Variants in TNK2 observed in about 807,000 individuals in gnomAD.
TNK2 encodes the protein activated CDC42 kinase 1.
TNK2 carries 83 observed loss-of-function variants against 101.8 expected under a neutral mutation model. The ratio of observed to expected loss-of-function variants is 0.82; its 90% CI spans 0.68 to 0.98. TNK2 has a LOEUF of 0.98. Among genes scored for constraint, TNK2 ranks in the 50% least tolerant of loss-of-function variants. TNK2 has a pLI of 0.00. For synonymous variants in TNK2, 804 were observed against 633.0 expected, an observed-to-expected ratio of 1.27 and a Z score of -4.06; for missense variants, 1,665 against 1,483.2, an observed-to-expected ratio of 1.12 and a Z score of -2.01.
rs902935955 is a variant in TNK2 at position 195,878,248 on chromosome 3, C to A, written c.1256+5G>T. The A allele has an allele frequency of 2.5e-6, 4 of 1,614,018 alleles. No homozygotes were observed. In the African/African-American group the frequency reaches 5.3e-5, roughly 22 times the overall value. ...CAGGGCGGGGCCCAGCCCTGCACTC[C>A]CTACCTTCCCTCGATGACGGTGATG... On this transcript the variant is annotated splice_donor_5th_base_variant and intron_variant, in intron 9 of 15. Coordinates refer to ENST00000672887, the MANE Select transcript of TNK2 (RefSeq NM_001382273.1). This position sits in a 1 kb window ranked among gnomAD's most constrained non-coding sequence, Gnocchi z 4.7.
intron 1 of TNK2, among the ~76,000 whole-genome samples, chr3:195,894,035 G>T (rs745835608): frequency 3.4e-4 from 52 of 152,174 alleles, no homozygotes; most frequent in Non-Finnish European, 6.9e-4. Flanking sequence ...TGGATGGAGT[G>T]GGGGCTGAGG....
At position 195,869,638 on chromosome 3, in the gene TNK2, C is replaced by G. The variant is rs113996846; in HGVS notation, c.1544-97G>C. ...GACGAGAGGGCAGAGTGTAGAGAGA[C>G]GAAGGGAGAGAAGTGAATGGGGGCG... On this transcript the variant is annotated intron_variant, in intron 11 of 15. Transcript: ENST00000672887. 5.8e-3 allele frequency: 5,943 copies of G among 1,029,288 alleles called. 44 individuals are homozygous for G. The highest frequency in any genetic ancestry group is 0.013 in the South Asian group (882 of 68,602). The allele number at this position is 1,029,288 out of a possible 1,614,324, so 63.8% of individuals were successfully genotyped here.
rs535315943 is a variant in TNK2 at position 195,890,588 on chromosome 3, T to A, written c.-18-1982A>T. 1.1e-4 allele frequency among the ~76,000 whole-genome samples: 16 copies of A among 151,570 alleles called. No individual in the cohort carries two copies. The South Asian group carries it at 2.7e-3, about 26-fold the overall frequency. On this transcript the variant is annotated intron_variant, in intron 1 of 15. Transcript: ENST00000672887. Reference sequence around the variant, plus strand: ...GCCTCAGCCTCCCAAGAAGCTGGGATCACAGGCGCCCGGCTAATTTTTGTA... The same window carrying A: ...GCCTCAGCCTCCCAAGAAGCTGGGAACACAGGCGCCCGGCTAATTTTTGTA...
chr3:195,878,849 T>G lies in TNK2; in HGVS notation c.1014+200A>C, dbSNP rs1750849645. On this transcript the variant is annotated intron_variant, in intron 7 of 15. Transcript: ENST00000672887. The surrounding 1 kb of genome is among the most constrained non-coding windows in gnomAD (Gnocchi z 4.7). ...AGCTTTTCCCTCCCCGTCTCTTTGC[T>G]GGGCTCTCCCTGAGGCCATACAGAT... Among the ~76,000 whole-genome samples the G allele has an allele frequency of 6.6e-6, 1 of 152,022 alleles. No homozygotes were observed. Among genetic ancestry groups the G allele is most frequent in the South Asian group, 2.1e-4 (1 of 4,818 alleles).
intron 6 of TNK2, chr3:195,879,475 C>T (rs1429183433): frequency 3.4e-5 from 9 of 266,012 alleles, no homozygotes; most frequent in Non-Finnish European, 6.5e-5. Context: ...TGGGATGGGG[C>T]AGGGAGAGAA....
chr3:195,877,572 C>A (rs1560503214), intron 9 of TNK2, among the ~76,000 whole-genome samples: 1 of 152,182 alleles, frequency 6.6e-6, no homozygotes, highest in Non-Finnish European at 1.5e-5. Context: ...CTCAAAGGTA[C>A]CTGAAACCTG....
At chr3:195,868,853 G>C in intron 12 of TNK2, 144 bp from the exon 13 acceptor site, 1 of 995,398 alleles carries the variant, frequency 1.0e-6, no homozygotes, top group South Asian at 1.8e-5. Flanking sequence ...GTCAGCCACC[G>C]GCGGCCAGGT....
rs1750586542 is a variant in TNK2, at chr3:195,878,329, G to GC, written c.1179dup (p.Arg394AlafsTer7). ...GGTTCCTCAAAGTCCTGAAGGGCCCGCATGTCTGTGGGCTGGGCCTGGAGG... is the reference window on the plus strand; with the variant it reads ...GGTTCCTCAAAGTCCTGAAGGGCCCGCCATGTCTGTGGGCTGGGCCTGGAGG... On this transcript the variant is annotated frameshift_variant, in exon 9 of 16. Transcript: ENST00000672887. LOFTEE classifies it high-confidence loss of function. The surrounding 1 kb of genome is among the most constrained non-coding windows in gnomAD (Gnocchi z 4.7). 2 of 1,614,102 alleles carry GC rather than the reference G, an allele frequency of 1.2e-6. No individual in the cohort carries two copies. The highest frequency in any genetic ancestry group is 1.7e-6 in the Non-Finnish European group (2 of 1,180,016).
chr3:195,888,325 TG>T lies in TNK2; in HGVS notation c.163+100del. ...TGTCCCTCCTGCTCCCTCAGGGCTC[TG>T]GGACAGAGTTCTCAGCTGCCACCCG... On this transcript the variant is annotated intron_variant, in intron 2 of 15. Transcript: ENST00000672887. The surrounding 1 kb of genome is among the most constrained non-coding windows in gnomAD (Gnocchi z 5.3). The T allele has an allele frequency of 7.6e-7, 1 of 1,316,784 alleles. No homozygotes were observed. The highest frequency in any genetic ancestry group is 1.1e-6 in the Non-Finnish European group (1 of 938,918). The allele number at this position is 1,316,784 out of a possible 1,614,324, so 81.6% of individuals were successfully genotyped here. A position where few individuals can be genotyped will look rare whatever the true frequency, so the allele number is the denominator to read the frequency against.
intron 1 of TNK2, among the ~76,000 whole-genome samples, chr3:195,900,707 G>C (rs1382669837): frequency 6.6e-6 from 1 of 152,238 alleles, no homozygotes; most frequent in Non-Finnish European, 1.5e-5. Flanking sequence ...GCCGAGGCCA[G>C]GACACGAGTG....
rs1215353012 is a variant in TNK2, at chr3:195,888,601, C to T, written c.-13G>A. Reference sequence around the variant, plus strand: ...CCTCTGGCTGCATTCTGCCGCCTCCCAGCCTCTGTGGGGGGAGGAGTGGCT... The same window carrying T: ...CCTCTGGCTGCATTCTGCCGCCTCCTAGCCTCTGTGGGGGGAGGAGTGGCT... On this transcript the variant is annotated 5_prime_UTR_variant, in exon 2 of 16. Coordinates refer to ENST00000672887, the MANE Select transcript of TNK2 (RefSeq NM_001382273.1). The surrounding 1 kb of genome is among the most constrained non-coding windows in gnomAD (Gnocchi z 5.3). 1 of 1,608,270 alleles carries T rather than the reference C, an allele frequency of 6.2e-7. No individual in the cohort carries two copies. Among genetic ancestry groups the T allele is most frequent in the Non-Finnish European group, 8.5e-7 (1 of 1,177,772 alleles).
chr3:195,872,423 A>C lies in TNK2; in HGVS notation c.1304T>G (p.Val435Gly). 1 of 1,612,318 alleles carries C rather than the reference A, an allele frequency of 6.2e-7. No individual in the cohort carries two copies. The highest frequency in any genetic ancestry group is 8.5e-7 in the Non-Finnish European group (1 of 1,179,370). ...CACCACGTTGCGAGGGAAGGGCCCCACACACAGCGTCCGTGTGTTCTGGCC... is the reference window on the plus strand; with the variant it reads ...CACCACGTTGCGAGGGAAGGGCCCCCCACACAGCGTCCGTGTGTTCTGGCC... ...WRGQNTRTLC[V>G]GPFPRNVVTS... Residue 435 changes from valine to glycine, a missense_variant, in exon 10 of 16, where the codon GTG becomes GGG. Coordinates refer to ENST00000672887, the MANE Select transcript of TNK2 (RefSeq NM_001382273.1).
intron 9 of TNK2, among the ~76,000 whole-genome samples, chr3:195,873,291 G>A (rs1198654005): frequency 1.3e-5 from 2 of 152,198 alleles, no homozygotes. Flanking sequence ...CAGGGGCAGG[G>A]GCAGGCAGGC....
intron 10 of TNK2, 99 bp downstream of exon 10, chr3:195,872,177 C>T (rs887081361): frequency 8.1e-6 from 11 of 1,355,522 alleles, no homozygotes; most frequent in African/African-American, 1.5e-5. Context: ...GAAGCCCGGG[C>T]GAAAGGGTGA....
intron 9 of TNK2, among the ~76,000 whole-genome samples, chr3:195,875,452 C>T (rs555980570): frequency 8.7e-5 from 13 of 149,146 alleles, no homozygotes; most frequent in Middle Eastern, 3.4e-3. Flanking sequence ...CACGCACGCT[C>T]GGAGGCACAG....
At position 195,868,662 on chromosome 3, in the gene TNK2, C is replaced by T. The variant is rs377663571; in HGVS notation, c.1636G>A (p.Asp546Asn). 2.8e-5 allele frequency: 44 copies of T among 1,593,328 alleles called. 1 individual carries two copies. Among genetic ancestry groups the T allele is most frequent in the South Asian group, 1.2e-4 (11 of 90,828 alleles). ...TTCCGCAGGCCCAGCCTCTTGAAGT[C>T]GCTGGACAAGGGGTCTTGGTCCTCG... ...VSEDQDPLSSDFKRLGLRKPG... is the reference protein window; with the variant it reads ...VSEDQDPLSSNFKRLGLRKPG... The change falls in exon 13 of 16, where the codon GAC (aspartate) becomes AAC (asparagine). Residue 546 changes from aspartate (D) to asparagine (N), a missense_variant. This residue lies in a region of TNK2 where 1,136 missense variants were observed against 894.9 expected (regional missense o/e 1.27). Coordinates refer to ENST00000672887, the MANE Select transcript of TNK2 (RefSeq NM_001382273.1).
Position 195,878,145 on chromosome 3 carries a change from T to G in TNK2, c.1256+108A>C. The stretch of plus-strand genomic sequence containing the variant: ...CAGGGTTCAGGCCCAACCGCCAGCC[T>G]GTATGTGGCCAAGGGAATCTTGGAG... On this transcript the variant is annotated intron_variant, in intron 9 of 15. Coordinates refer to ENST00000672887, the MANE Select transcript of TNK2 (RefSeq NM_001382273.1). This position sits in a 1 kb window ranked among gnomAD's most constrained non-coding sequence, Gnocchi z 4.7. 8.3e-7 allele frequency: 1 copy of G among 1,200,792 alleles called. No homozygotes were observed. Among genetic ancestry groups the G allele is most frequent in the South Asian group, 1.2e-5 (1 of 80,280 alleles). The allele number at this position is 1,200,792 out of a possible 1,614,324, so 74.4% of individuals were successfully genotyped here. A position where few individuals can be genotyped will look rare whatever the true frequency, so the allele number is the denominator to read the frequency against.
In TNK2 at chr3:195,878,171, G is replaced by A; in HGVS notation, c.1256+82C>T. 6.9e-7 allele frequency: 1 copy of A among 1,449,696 alleles called. No homozygotes were observed. The highest frequency in any genetic ancestry group is 9.7e-7 in the Non-Finnish European group (1 of 1,033,794). 89.8% of individuals were successfully genotyped at this position (1,449,696 alleles called of 1,614,324 possible). A position where few individuals can be genotyped will look rare whatever the true frequency, so the allele number is the denominator to read the frequency against. On this transcript the variant is annotated intron_variant, in intron 9 of 15. Transcript: ENST00000672887. The surrounding 1 kb of genome is among the most constrained non-coding windows in gnomAD (Gnocchi z 4.7). ...GTATGTGGCCAAGGGAATCTTGGAG[G>A]CCAAACAGATCTGTCCACAGGTCCC...
intron 11 of TNK2, 32 bp from the exon 12 acceptor site, chr3:195,869,573 G>C: frequency 1.3e-6 from 2 of 1,550,482 alleles, no homozygotes; most frequent in South Asian, 1.2e-5. Context: ...CAGGGGGAGA[G>C]AGACGGAGCA....
Sources: allele counts gnomAD v4.1 joint callset (sites outside exome capture counted in the v4.1 genomes callset), GRCh38; gene constraint gnomAD v4.1.1; regional missense constraint gnomAD v4.1.1; non-coding constraint Gnocchi (gnomAD v3.1); transcripts MANE v1.5; gene names NCBI Gene and HGNC (gene_info 2026-07-23, HGNC 2026-07-21).